Variants in EPHB3 observed in about 807,000 individuals in gnomAD.
The protein encoded by EPHB3 is ephrin type-B receptor 3.
A neutral mutation model predicts 100.2 loss-of-function variants in EPHB3; 33 were observed. That is an observed-to-expected ratio of 0.33 (90% CI 0.25 to 0.44). EPHB3 has a LOEUF of 0.44. EPHB3 is among the 20% of genes least tolerant of loss of function. The pLI is 1.00. For synonymous variants in EPHB3, 526 were observed against 554.7 expected, an observed-to-expected ratio of 0.95 and a Z score of 0.73; for missense variants, 1,045 against 1,378.3, an observed-to-expected ratio of 0.76 and a Z score of 3.83.
Position 184,571,986 on chromosome 3 carries a change from C to T in EPHB3, c.184-518C>T, listed in dbSNP as rs763275796. Among the ~76,000 whole-genome samples the T allele has an allele frequency of 5.3e-5, 8 of 152,158 alleles. No homozygotes were observed. The highest frequency in any genetic ancestry group is 7.2e-5 in the African/African-American group (3 of 41,426). On this transcript the variant is annotated intron_variant, in intron 2 of 15. Transcript: ENST00000330394. This position sits in a 1 kb window ranked among gnomAD's most constrained non-coding sequence, Gnocchi z 5.0. Reference sequence around the variant, plus strand: ...CCTTGGCTTCCTCATCTCTAAACGTCGGGACAACAGATGCGGCTCCTCATG... The same window carrying T: ...CCTTGGCTTCCTCATCTCTAAACGTTGGGACAACAGATGCGGCTCCTCATG...
chr3:184,575,306 GCCCAAGGGCAGA>G (rs1322449837), intron 3 of EPHB3: 15 of 909,012 alleles, frequency 1.7e-5, no homozygotes, highest in Non-Finnish European at 2.0e-5. Flanking sequence ...CCCCATCCCT[GCCCAAGGGCAGA>G]CAGGAGCTGC....
Position 184,577,748 on chromosome 3 carries a change from C to T in EPHB3, c.1570C>T (p.Arg524Cys), listed in dbSNP as rs749795926. 5.0e-6 allele frequency: 8 copies of T among 1,611,582 alleles called. No individual in the cohort carries two copies. Among genetic ancestry groups the T allele is most frequent in the Non-Finnish European group, 6.8e-6 (8 of 1,178,478 alleles). ...RPDARYVVQV[R>C]ARTVAGYGQY... ...TGACGCCCGCTATGTGGTCCAGGTC[C>T]GTGCCCGCACAGTAGCTGGCTATGG... is the stretch of plus-strand genomic sequence containing the variant. The change falls in exon 7 of 16, where the codon CGT (arginine) becomes TGT (cysteine). Residue 524 changes from arginine (R) to cysteine (C), a missense_variant. This residue lies in a region of EPHB3 where 985 missense variants were observed against 1,331.1 expected (regional missense o/e 0.74). Transcript: ENST00000330394. This position sits in a 1 kb window ranked among gnomAD's most constrained non-coding sequence, Gnocchi z 4.9.
chr3:184,578,482 C>A lies in EPHB3; in HGVS notation c.1801+16C>A. On this transcript the variant is annotated intron_variant, in intron 9 of 15. Coordinates refer to ENST00000330394, the MANE Select transcript of EPHB3 (RefSeq NM_004443.4). This position sits in a 1 kb window ranked among gnomAD's most constrained non-coding sequence, Gnocchi z 4.7. ...CAGCAGTACAGTGAGTTTGTCCCCG[C>A]CGCCCTCCCCAAGCTCTCCCAGCCC... 6.2e-7 allele frequency: 1 copy of A among 1,613,778 alleles called. No individual in the cohort carries two copies. Among genetic ancestry groups the A allele is most frequent in the Non-Finnish European group, 8.5e-7 (1 of 1,179,872 alleles).
In EPHB3 at chr3:184,572,487, C is replaced by T; in HGVS notation, c.184-17C>T. 1 of 1,538,322 alleles carries T rather than the reference C, an allele frequency of 6.5e-7. No individual in the cohort carries two copies. Among genetic ancestry groups the T allele is most frequent in the Non-Finnish European group, 8.7e-7 (1 of 1,150,178 alleles). On this transcript the variant is annotated splice_polypyrimidine_tract_variant and intron_variant, in intron 2 of 15. Coordinates refer to ENST00000330394, the MANE Select transcript of EPHB3 (RefSeq NM_004443.4). The surrounding 1 kb of genome is among the most constrained non-coding windows in gnomAD (Gnocchi z 6.6). ...ATGCAGGCATTCACTCTGTCTTTTT[C>T]ATTGGTCCATGCACAGTGGGAAGAG... is the stretch of plus-strand genomic sequence containing the variant.
Position 184,580,580 on chromosome 3 carries a change from A to G in EPHB3, c.2351A>G (p.Glu784Gly). Residue 784 changes from glutamate to glycine, a missense_variant, in exon 12 of 16, where the codon GAG becomes GGG. Glu to Gly is a moderately conservative substitution (Grantham distance 98). Transcript: ENST00000330394. ...GACTTTGGCCTCTCCCGCTTCCTGG[A>G]GGATGACCCCTCCGATCCTACCTAC... ...VSDFGLSRFL[E>G]DDPSDPTYTS... 6.2e-7 allele frequency: 1 copy of G among 1,614,160 alleles called. No individual in the cohort carries two copies. The highest frequency in any genetic ancestry group is 8.5e-7 in the Non-Finnish European group (1 of 1,180,004).
rs1370136542 is a variant in EPHB3 at position 184,573,010 on chromosome 3, G to A, written c.690G>A (p.Glu230=). ...TCCCCGAGACCCTCACTGGGGCGGA[G>A]CCCACCTCGCTGGTCATTGCTCCTG... is the stretch of plus-strand genomic sequence containing the variant. ...ALFPETLTGA[E]PTSLVIAPGT... Residue 230 remains glutamate, a synonymous_variant, in exon 3 of 16, where the codon GAG becomes GAA. Coordinates refer to ENST00000330394, the MANE Select transcript of EPHB3 (RefSeq NM_004443.4). The surrounding 1 kb of genome is among the most constrained non-coding windows in gnomAD (Gnocchi z 4.5). 1.2e-6 allele frequency: 2 copies of A among 1,612,448 alleles called. No homozygotes were observed. Among genetic ancestry groups the A allele is most frequent in the Admixed American group, 3.3e-5 (2 of 59,964 alleles).
rs1006255089 is a variant in EPHB3 at position 184,562,892 on chromosome 3, G to A, written c.118+539G>A. On this transcript the variant is annotated intron_variant, in intron 1 of 15. Transcript: ENST00000330394. This position sits in a 1 kb window ranked among gnomAD's most constrained non-coding sequence, Gnocchi z 4.8. ...GGCCTGTTATTGTTTATGGTTTACC[G>A]GGCGCCAATTACACCCGAGGTGCTG... 3.3e-5 allele frequency among the ~76,000 whole-genome samples: 5 copies of A among 152,222 alleles called. No individual in the cohort carries two copies. The highest frequency in any genetic ancestry group is 1.2e-4 in the African/African-American group (5 of 41,466).
chr3:184,568,620 T>G (rs1270829690), intron 1 of EPHB3, among the ~76,000 whole-genome samples: 1 of 72,454 alleles, frequency 1.4e-5, no homozygotes, highest in East Asian at 3.3e-4. Flanking sequence ...CCTCACCTCC[T>G]GCCGAAGGCA....
rs1714550932 is a variant in EPHB3, at chr3:184,572,019, T to G, written c.184-485T>G. On this transcript the variant is annotated intron_variant, in intron 2 of 15. Transcript: ENST00000330394. This position sits in a 1 kb window ranked among gnomAD's most constrained non-coding sequence, Gnocchi z 6.6. ...CAGATGCGGCTCCTCATGGAGCTGTTGTGAAGATTGAATGCGATGTTGATA... is the reference window on the plus strand; with the variant it reads ...CAGATGCGGCTCCTCATGGAGCTGTGGTGAAGATTGAATGCGATGTTGATA... Among the ~76,000 whole-genome samples, 1 of 152,154 alleles carries G rather than the reference T, an allele frequency of 6.6e-6. No individual in the cohort carries two copies. The highest frequency in any genetic ancestry group is 2.1e-4 in the South Asian group (1 of 4,826).
In EPHB3 at chr3:184,563,187, A is replaced by G. The variant is rs1170153598; in HGVS notation, c.118+834A>G. On this transcript the variant is annotated intron_variant, in intron 1 of 15. Transcript: ENST00000330394. The surrounding 1 kb of genome is among the most constrained non-coding windows in gnomAD (Gnocchi z 4.1). ...TGTTGGCGCTGGCAGGAGAGCTCACACGCATGCCACTTGACACAAGCTTGC... is the reference window on the plus strand; with the variant it reads ...TGTTGGCGCTGGCAGGAGAGCTCACGCGCATGCCACTTGACACAAGCTTGC... Among the ~76,000 whole-genome samples, 2 of 152,176 alleles carry G rather than the reference A, an allele frequency of 1.3e-5. No homozygotes were observed. Among genetic ancestry groups the G allele is most frequent in the Non-Finnish European group, 2.9e-5 (2 of 68,030 alleles).
At position 184,573,268 on chromosome 3, in the gene EPHB3, A is replaced by G; in HGVS notation, c.856+92A>G. On this transcript the variant is annotated intron_variant, in intron 3 of 15. Transcript: ENST00000330394. This position sits in a 1 kb window ranked among gnomAD's most constrained non-coding sequence, Gnocchi z 4.5. ...GCCCCCCACCCCTGCTTGCTATCTGACTAGGAGGTCTGGGAGCAGGTCCAC... is the reference window on the plus strand; with the variant it reads ...GCCCCCCACCCCTGCTTGCTATCTGGCTAGGAGGTCTGGGAGCAGGTCCAC... 1 of 1,510,530 alleles carries G rather than the reference A, an allele frequency of 6.6e-7. No homozygotes were observed. Among genetic ancestry groups the G allele is most frequent in the South Asian group, 1.2e-5 (1 of 84,094 alleles). 93.6% of individuals were successfully genotyped at this position (1,510,530 alleles called of 1,614,324 possible).
chr3:184,579,255 G>A lies in EPHB3; in HGVS notation c.1802-222G>A, dbSNP rs1009886901. ...AACCAGGGGAGGCATGAATCTGAGAGAGGTCTGGATGTGATGAGAGATGAG... is the reference window on the plus strand; with the variant it reads ...AACCAGGGGAGGCATGAATCTGAGAAAGGTCTGGATGTGATGAGAGATGAG... On this transcript the variant is annotated intron_variant, in intron 9 of 15. Coordinates refer to ENST00000330394, the MANE Select transcript of EPHB3 (RefSeq NM_004443.4). The surrounding 1 kb of genome is among the most constrained non-coding windows in gnomAD (Gnocchi z 5.2). 1.3e-5 allele frequency among the ~76,000 whole-genome samples: 2 copies of A among 152,160 alleles called. No individual in the cohort carries two copies. The highest frequency in any genetic ancestry group is 6.5e-5 in the Admixed American group (1 of 15,274).
chr3:184,576,705 T>C (rs1413477835), intron 4 of EPHB3, 137 bp from the exon 5 acceptor site: 19 of 793,240 alleles, frequency 2.4e-5, no homozygotes, highest in Non-Finnish European at 3.6e-5. Context: ...TGAAGAAATG[T>C]AGGAACGTTA....
Position 184,577,203 on chromosome 3 carries a change from G to A in EPHB3, c.1354+20G>A. ...AGGCTGGTGAGGAGGGGACACTGGA[G>A]GGTAGGGCCTGGGTCACTTTCTCCT... On this transcript the variant is annotated intron_variant, in intron 5 of 15. Coordinates refer to ENST00000330394, the MANE Select transcript of EPHB3 (RefSeq NM_004443.4). This position sits in a 1 kb window ranked among gnomAD's most constrained non-coding sequence, Gnocchi z 4.9. The A allele has an allele frequency of 6.3e-7, 1 of 1,580,650 alleles. No individual in the cohort carries two copies.
rs370732996 is a variant in EPHB3 at position 184,577,148 on chromosome 3, G to C, written c.1319G>C (p.Arg440Pro). 5 of 1,608,442 alleles carry C rather than the reference G, an allele frequency of 3.1e-6. No homozygotes were observed. Among genetic ancestry groups the C allele is most frequent in the Non-Finnish European group, 4.3e-6 (5 of 1,176,356 alleles). The change falls in exon 5 of 16, where the codon CGT becomes CCT. Residue 440 changes from arginine to proline, a missense_variant. Around this residue, in one of 2 missense-constraint regions of EPHB3, gnomAD observed 985 missense variants for 1,331.1 expected, o/e 0.74. Coordinates refer to ENST00000330394, the MANE Select transcript of EPHB3 (RefSeq NM_004443.4). The surrounding 1 kb of genome is among the most constrained non-coding windows in gnomAD (Gnocchi z 4.9). ...TCGGGCAAGAGCCCTCTGCCGCCTC[G>C]TTATGCGGCCGTGAATATCACCACA... ...GVSGKSPLPP[R>P]YAAVNITTNQ... is the part of the protein sequence containing the mutation.
chr3:184,568,684 G>A (rs1479606091), intron 1 of EPHB3, among the ~76,000 whole-genome samples: 2 of 152,104 alleles, frequency 1.3e-5, no homozygotes, highest in East Asian at 3.9e-4. Context: ...CTGTGCCTGG[G>A]CAGGCTGAAG....
At position 184,578,406 on chromosome 3, in the gene EPHB3, C is replaced by T. The variant is rs1432773122; in HGVS notation, c.1749-8C>T. 5.6e-6 allele frequency: 9 copies of T among 1,613,724 alleles called. No homozygotes were observed. The highest frequency in any genetic ancestry group is 2.2e-5 in the South Asian group (2 of 91,074). On this transcript the variant is annotated splice_polypyrimidine_tract_variant and splice_region_variant and intron_variant, in intron 8 of 15. Coordinates refer to ENST00000330394, the MANE Select transcript of EPHB3 (RefSeq NM_004443.4). The surrounding 1 kb of genome is among the most constrained non-coding windows in gnomAD (Gnocchi z 4.7). ...CTCAGGCCTGCCCTCCACCCTGCCACCCTACAGGAAGCAGCGACACGGCTC... is the reference window on the plus strand; with the variant it reads ...CTCAGGCCTGCCCTCCACCCTGCCATCCTACAGGAAGCAGCGACACGGCTC...
rs865849121 is a variant in EPHB3, at chr3:184,582,291, C to T, written c.*669C>T. The stretch of plus-strand genomic sequence containing the variant: ...GTGTGTGTGTGTGCGCGCGCGCGCG[C>T]GTGTGTGTGTGCACGCACTGGCCTG... On this transcript the variant is annotated 3_prime_UTR_variant, in exon 16 of 16. Transcript: ENST00000330394. 922 of 152,176 alleles carry T rather than the reference C, an allele frequency of 6.1e-3. 7 individuals are homozygous for T. The highest frequency in any genetic ancestry group is 0.021 in the African/African-American group (853 of 40,496). The allele number at this position is 152,176 out of a possible 1,614,324, so 9.4% of individuals were successfully genotyped here.
At position 184,569,836 on chromosome 3, in the gene EPHB3, A is replaced by G. The variant is rs978201029; in HGVS notation, c.119-1482A>G. 1.3e-5 allele frequency among the ~76,000 whole-genome samples: 2 copies of G among 152,236 alleles called. No homozygotes were observed. The highest frequency in any genetic ancestry group is 2.9e-5 in the Non-Finnish European group (2 of 68,038). On this transcript the variant is annotated intron_variant, in intron 1 of 15. Transcript: ENST00000330394. This position sits in a 1 kb window ranked among gnomAD's most constrained non-coding sequence, Gnocchi z 5.4. The stretch of plus-strand genomic sequence containing the variant: ...TGGGCTTTTCCCCACTTGGGCACCC[A>G]GAGGGGATGATGTAGAGGCCTCCAG...
Sources: gnomAD v4.1 joint callset for allele counts (sites outside exome capture counted in the v4.1 genomes callset) on GRCh38, gnomAD v4.1.1 for gene constraint, gnomAD v4.1.1 regional missense constraint, Gnocchi (gnomAD v3.1) non-coding constraint, MANE v1.5 for transcripts, NCBI Gene and HGNC (gene_info 2026-07-23, HGNC 2026-07-21) for gene names.